Variants in ECPAS observed in about 807,000 individuals in gnomAD.
The protein encoded by ECPAS is proteasome adapter and scaffold protein ECM29.
ECPAS carries 70 observed loss-of-function variants against 255.1 expected under a neutral mutation model. That is an observed-to-expected ratio of 0.27 (90% CI 0.23 to 0.33). ECPAS has a LOEUF of 0.33. Ranked by LOEUF, ECPAS falls within the 10% of genes least tolerant of loss-of-function variation. The pLI is 1.00. For synonymous variants in ECPAS, 784 were observed against 775.0 expected (o/e 1.01, Z -0.19); for missense variants, 1,817 against 2,206.4 (o/e 0.82, Z 3.54).
At chr9:111,433,446 A>C in intron 7 of ECPAS, 74 bp from the exon 8 acceptor site, 1 of 1,516,652 alleles carries the variant, frequency 6.6e-7, no homozygotes, top group Non-Finnish European at 9.1e-7. Context: ...ACTGCTTAAC[A>C]TATCAGTGTG....
At position 111,422,708 on chromosome 9, in the gene ECPAS, C is replaced by G. The variant is rs191124723; in HGVS notation, c.1265+491G>C. ...CATGGTGCCACTGAGAATGCTTCAT[C>G]TCTATCTCCCTGCTTTCAAATACAG... On this transcript the variant is annotated intron_variant, in intron 13 of 49. Coordinates refer to ENST00000684092, the MANE Select transcript of ECPAS (RefSeq NM_001364929.1). 3.2e-3 allele frequency among the ~76,000 whole-genome samples: 492 copies of G among 152,252 alleles called. 4 individuals carry two copies. Among genetic ancestry groups the G allele is most frequent in the African/African-American group, 0.011 (459 of 41,526 alleles).
In ECPAS at chr9:111,393,661, T is replaced by C. The variant is rs1349199982; in HGVS notation, c.2977+19A>G. On this transcript the variant is annotated intron_variant, in intron 27 of 49. Transcript: ENST00000684092. ...ATACAAGTTCAATTAAGTTTAGAAA[T>C]CAAATATTAACAACCTACCATCATT... 2.0e-6 allele frequency: 3 copies of C among 1,467,940 alleles called. No homozygotes were observed. Among genetic ancestry groups the C allele is most frequent in the Non-Finnish European group, 2.8e-6 (3 of 1,055,002 alleles). The allele number at this position is 1,467,940 out of a possible 1,614,324, so 90.9% of individuals were successfully genotyped here.
intron 4 of ECPAS, among the ~76,000 whole-genome samples, chr9:111,443,048 T>C (rs10980897): frequency 0.2 from 30,761 of 152,112 alleles, 3,214 homozygotes; most frequent in East Asian, 0.34. Context: ...CCTTGGGGCA[T>C]TGCAGATTTT....
At chr9:111,378,792 C>G in intron 35 of ECPAS, 62 bp from the exon 36 acceptor site, 1 of 1,491,818 alleles carries the variant, frequency 6.7e-7, no homozygotes, top group Non-Finnish European at 9.1e-7. Flanking sequence ...ACCTACAAAT[C>G]TAACCATGAG....
chr9:111,420,111 G>T lies in ECPAS; in HGVS notation c.1465C>A (p.Gln489Lys). 1.9e-6 allele frequency: 3 copies of T among 1,611,200 alleles called. No homozygotes were observed. Among genetic ancestry groups the T allele is most frequent in the Non-Finnish European group, 2.5e-6 (3 of 1,178,258 alleles). Residue 489 changes from glutamine (Q) to lysine (K), a missense_variant, in exon 16 of 50, where the codon CAA (glutamine) becomes AAA (lysine). Around this residue, in one of 4 missense-constraint regions of ECPAS, gnomAD observed 573 missense variants for 716.2 expected, o/e 0.80. Transcript: ENST00000684092. ...VASYLIKPEV[Q>K]VRQVAVKFAS... ...AATTTCACAGCCACTTGTCGAACTT[G>T]AACTTCAGGCTATTTCATGTGTAAA...
Position 111,392,872 on chromosome 9 carries a change from T to C in ECPAS, c.2988A>G (p.Gln996=), listed in dbSNP as rs1387201304. The C allele has an allele frequency of 2.5e-6, 4 of 1,608,064 alleles. No homozygotes were observed. The highest frequency in any genetic ancestry group is 1.1e-5 in the South Asian group (1 of 89,442). ...SVLSENDELS[Q]DVASKGLGLV... Reference sequence around the variant, plus strand: ...ACCCAAGGCCCTTTGATGCAACATCTTGGCTAAGTTCTACAAGAAAGTCAG... The same window carrying C: ...ACCCAAGGCCCTTTGATGCAACATCCTGGCTAAGTTCTACAAGAAAGTCAG... Residue 996 remains glutamine (Q), a synonymous_variant, in exon 28 of 50, where the codon CAA becomes CAG. Transcript: ENST00000684092.
rs559058728 is a variant in ECPAS, at chr9:111,391,447, G to A, written c.3161+309C>T. Among the ~76,000 whole-genome samples, 4 of 152,112 alleles carry A rather than the reference G, an allele frequency of 2.6e-5. No homozygotes were observed. The East Asian group carries it at 7.8e-4, about 30-fold the overall frequency. On this transcript the variant is annotated intron_variant, in intron 29 of 49. Transcript: ENST00000684092. The stretch of plus-strand genomic sequence containing the variant: ...CAAAAATTAGCCAGGCGTGGTGGCA[G>A]GTGCCTGTAATCTCAGTTACCTGGG...
intron 6 of ECPAS, among the ~76,000 whole-genome samples, chr9:111,437,502 A>G (rs1453356046): frequency 1.3e-5 from 2 of 152,172 alleles, no homozygotes; most frequent in African/African-American, 4.8e-5. Context: ...TACCCAAAGG[A>G]GAGTATTTTT....
intron 23 of ECPAS, among the ~76,000 whole-genome samples, chr9:111,409,287 G>A (rs1302565124): frequency 1.3e-5 from 2 of 152,156 alleles, no homozygotes; most frequent in Non-Finnish European, 1.5e-5. Flanking sequence ...GGCCAGGCTC[G>A]GTGGCTCAAG....
At chr9:111,463,378 C>A (rs2098275523) in intron 2 of ECPAS, among the ~76,000 whole-genome samples, 1 of 152,156 alleles carries the variant, frequency 6.6e-6, no homozygotes, top group South Asian at 2.1e-4. Flanking sequence ...CACTAATGCT[C>A]ACAAATAAAC....
In ECPAS at chr9:111,451,565, A is replaced by G. The variant is rs914055906; in HGVS notation, c.23-10T>C. On this transcript the variant is annotated splice_polypyrimidine_tract_variant and intron_variant, in intron 2 of 49. Coordinates refer to ENST00000684092, the MANE Select transcript of ECPAS (RefSeq NM_001364929.1). ...ACCCGTTCAAGCTGATCTATAATAT[A>G]AAAAGAAAAAAAGAGAGAACTTAGC... 6.5e-7 allele frequency: 1 copy of G among 1,528,018 alleles called. No homozygotes were observed. The highest frequency in any genetic ancestry group is 8.7e-7 in the Non-Finnish European group (1 of 1,144,608). The allele number at this position is 1,528,018 out of a possible 1,614,324, so 94.7% of individuals were successfully genotyped here.
At chr9:111,412,953 T>C (rs28680256) in intron 20 of ECPAS, among the ~76,000 whole-genome samples, 2,814 of 151,534 alleles carry the variant, frequency 0.019, 85 homozygotes, top group African/African-American at 0.063. Flanking sequence ...CCAACACTTA[T>C]ACAAAAAAAA....
chr9:111,373,921 A>C (rs2098130403), intron 39 of ECPAS, 51 bp downstream of exon 39: 1 of 1,382,814 alleles, frequency 7.2e-7, no homozygotes, highest in Admixed American at 1.7e-5. Context: ...ACTCTGTCAC[A>C]CAAGACAGGG....
rs549318428 is a variant in ECPAS, at chr9:111,411,912, G to C, written c.2214+102C>G. ...TTATGGTCATAAAAGCAAGGAATTT[G>C]TAAGTTCATTTTACAAATGAGAACA... is the stretch of plus-strand genomic sequence containing the variant. On this transcript the variant is annotated intron_variant, in intron 21 of 49. Coordinates refer to ENST00000684092, the MANE Select transcript of ECPAS (RefSeq NM_001364929.1). 8.4e-6 allele frequency: 9 copies of C among 1,075,174 alleles called. No individual in the cohort carries two copies. In the East Asian group the frequency reaches 8.6e-5, roughly 10 times the overall value. 66.6% of individuals were successfully genotyped at this position (1,075,174 alleles called of 1,614,324 possible). A position where few individuals can be genotyped will look rare whatever the true frequency, so the allele number is the denominator to read the frequency against.
Position 111,377,396 on chromosome 9 carries a change from G to A in ECPAS, c.3955-855C>T, listed in dbSNP as rs138350288. Among the ~76,000 whole-genome samples, 80 of 152,184 alleles carry A rather than the reference G, an allele frequency of 5.3e-4. No homozygotes were observed. In the East Asian group the frequency reaches 8.5e-3, roughly 16 times the overall value. On this transcript the variant is annotated intron_variant, in intron 36 of 49. Coordinates refer to ENST00000684092, the MANE Select transcript of ECPAS (RefSeq NM_001364929.1). The stretch of plus-strand genomic sequence containing the variant: ...ACTAATACAATATTGAAAAGGCAAT[G>A]GACAATGCTAGGAAAAGAGTGCAAA...
At chr9:111,372,738 T>C in intron 41 of ECPAS, 118 bp from the exon 42 acceptor site, 1 of 837,580 alleles carries the variant, frequency 1.2e-6, no homozygotes, top group South Asian at 2.0e-5. Flanking sequence ...CAATTAGAAA[T>C]GTTTCTAGCA....
chr9:111,473,310 C>T (rs2098291603), intron 1 of ECPAS, among the ~76,000 whole-genome samples: 1 of 152,048 alleles, frequency 6.6e-6, no homozygotes, highest in Admixed American at 6.5e-5. Flanking sequence ...GTATATATAT[C>T]ATAAATATAT....
intron 35 of ECPAS, among the ~76,000 whole-genome samples, chr9:111,381,132 T>G (rs965794635): frequency 6.6e-6 from 1 of 152,256 alleles, no homozygotes; most frequent in Non-Finnish European, 1.5e-5. Flanking sequence ...TCAGCTTTCA[T>G]GACATCCCTT....
intron 7 of ECPAS, among the ~76,000 whole-genome samples, chr9:111,435,723 A>G (rs1292546257): frequency 1.4e-5 from 2 of 139,372 alleles, no homozygotes; most frequent in African/African-American, 2.8e-5. Flanking sequence ...TCTGTCGCCC[A>G]GGCTGGAGTG....
Sources: allele counts gnomAD v4.1 joint callset (sites outside exome capture counted in the v4.1 genomes callset), GRCh38; gene constraint gnomAD v4.1.1; regional missense constraint gnomAD v4.1.1; transcripts MANE v1.5; gene names NCBI Gene and HGNC (gene_info 2026-07-23, HGNC 2026-07-21).